The following GCNT1 variants were observed in gnomAD, a reference collection of about 807,000 sequenced individuals.
GCNT1 encodes the protein beta-1,3-galactosyl-O-glycosyl-glycoprotein beta-1,6-N-acetylglucosaminyltransferase.
In GCNT1, 16 loss-of-function variants were observed where a neutral mutation model predicts 26.2. That is an observed-to-expected ratio of 0.61 (90% CI 0.41 to 0.93). The LOEUF (loss-of-function observed/expected upper bound fraction) is 0.93, where lower values mean the gene tolerates loss of function less well. Ranked by LOEUF, GCNT1 falls within the 40% of genes least tolerant of loss-of-function variation. GCNT1 has a pLI of 0.00. For synonymous variants in GCNT1, 183 were observed against 190.8 expected, an observed-to-expected ratio of 0.96 and a Z score of 0.34; for missense variants, 477 against 526.7, an observed-to-expected ratio of 0.91 and a Z score of 0.92.
At chr9:76,399,352 T>G in the GCNT1 span, 18 of 1,486,096 alleles carry the variant, frequency 1.2e-5, no homozygotes, top group Middle Eastern at 2.2e-4. Context: ...AGGCTGCTGC[T>G]GAAAAGGCAG....
chr9:76,398,632 T>C, the GCNT1 span: 2 of 883,322 alleles, frequency 2.3e-6, no homozygotes, highest in Middle Eastern at 3.1e-4. Flanking sequence ...CTTTCCGCGC[T>C]ACCTACAGAG....
At chr9:76,458,222 G>C (rs1029876877), upstream of GCNT1, among the ~76,000 whole-genome samples, 1 of 110,068 alleles carries the variant, frequency 9.1e-6, no homozygotes, top group Non-Finnish European at 1.7e-5. Flanking sequence ...TCGCTCTGTT[G>C]CCCAGGCTGG....
At chr9:76,402,954 A>G in the GCNT1 span, among the ~76,000 whole-genome samples, 1 of 152,196 alleles carries the variant, frequency 6.6e-6, no homozygotes. Flanking sequence ...CTGGGATTAC[A>G]TGCATGAGCC....
chr9:76,458,139 G>A (rs1823789320), upstream of GCNT1, among the ~76,000 whole-genome samples: 1 of 145,242 alleles, frequency 6.9e-6, no homozygotes, highest in South Asian at 2.2e-4. Context: ...TCAGGCAAGT[G>A]TCAAACATAT....
chr9:76,458,562 C>T (rs1464007116), upstream of GCNT1, among the ~76,000 whole-genome samples: 3 of 152,172 alleles, frequency 2.0e-5, no homozygotes, highest in Non-Finnish European at 2.9e-5. Flanking sequence ...AAAGAAGACA[C>T]AGACACAATA....
chr9:76,484,528 T>C (rs1303737484), intron 2 of GCNT1, among the ~76,000 whole-genome samples: 1 of 152,160 alleles, frequency 6.6e-6, no homozygotes, highest in Non-Finnish European at 1.5e-5. Flanking sequence ...CAAATCTCTT[T>C]TACTGTTTGA....
At chr9:76,501,323 T>C (rs1268973319) in intron 3 of GCNT1, among the ~76,000 whole-genome samples, 1 of 152,208 alleles carries the variant, frequency 6.6e-6, no homozygotes, top group Non-Finnish European at 1.5e-5. Context: ...AAATTGATTT[T>C]TGAAAACAAA....
intron 2 of GCNT1, among the ~76,000 whole-genome samples, chr9:76,489,424 G>A (rs1189698401): frequency 7.9e-5 from 12 of 152,170 alleles, no homozygotes; most frequent in African/African-American, 2.2e-4. Flanking sequence ...AAGATTTATT[G>A]TGAAGAGCAA....
Position 76,435,230 on chromosome 9 carries a change from G to A in GCNT1, n.38+15343G>A, listed in dbSNP as rs551724795. On this transcript the variant is annotated intron_variant and non_coding_transcript_variant, in intron 1 of 3. Coordinates refer to the GCNT1 transcript ENST00000488136. Reference sequence around the variant, plus strand: ...CCTAATGAAAATTTGCTGGTTTTGCGGCTCGGGTGGGCATCATGGACCTAC... The same window carrying A: ...CCTAATGAAAATTTGCTGGTTTTGCAGCTCGGGTGGGCATCATGGACCTAC... Among the ~76,000 whole-genome samples the A allele has an allele frequency of 3.2e-4, 49 of 152,162 alleles. 1 individual carries two copies. Among genetic ancestry groups the A allele is most frequent in the African/African-American group, 1.0e-3 (43 of 41,502 alleles).
intron 2 of GCNT1, among the ~76,000 whole-genome samples, chr9:76,481,757 A>G (rs1181046522): frequency 6.6e-6 from 1 of 152,184 alleles, no homozygotes; most frequent in Non-Finnish European, 1.5e-5. Context: ...CCTGTTAACA[A>G]TTTTCATGGA....
upstream of GCNT1, among the ~76,000 whole-genome samples, chr9:76,437,711 T>C (rs1823428573): frequency 6.6e-6 from 1 of 152,080 alleles, no homozygotes; most frequent in Non-Finnish European, 1.5e-5. Context: ...GACCCCTTTC[T>C]GGTAACAAGA....
chr9:76,403,937 G>A, the GCNT1 span, among the ~76,000 whole-genome samples: 51 of 152,244 alleles, frequency 3.3e-4, no homozygotes, highest in African/African-American at 1.1e-3. Context: ...TTTCTGAGAC[G>A]AAGAAGAAGG....
the GCNT1 span, among the ~76,000 whole-genome samples, chr9:76,400,694 C>G: frequency 6.6e-6 from 1 of 152,174 alleles, no homozygotes; most frequent in South Asian, 2.1e-4. Context: ...GACAATGCTA[C>G]CAGTAGGCCA....
the GCNT1 span, chr9:76,394,476 G>A: frequency 1.7e-5 from 5 of 286,228 alleles, no homozygotes; most frequent in South Asian, 1.9e-4. Context: ...GCGCAGAGCC[G>A]GCCTCCGCGC....
the GCNT1 span, among the ~76,000 whole-genome samples, chr9:76,396,296 C>A: frequency 3.9e-5 from 6 of 152,138 alleles, no homozygotes; most frequent in African/African-American, 7.2e-5. Flanking sequence ...TTAACCTAAA[C>A]GTATAAAAAT....
At chr9:76,485,193 G>T (rs1428401342) in intron 2 of GCNT1, among the ~76,000 whole-genome samples, 1 of 151,842 alleles carries the variant, frequency 6.6e-6, no homozygotes, top group Non-Finnish European at 1.5e-5. Flanking sequence ...GTTTTTTGGA[G>T]ATGGAGTCTC....
chr9:76,414,965 T>C (rs1823120230), upstream of GCNT1, among the ~76,000 whole-genome samples: 1 of 152,156 alleles, frequency 6.6e-6, no homozygotes, highest in African/African-American at 2.4e-5. Flanking sequence ...TTTACGTAGC[T>C]CCTATTCAAG....
the GCNT1 span, among the ~76,000 whole-genome samples, chr9:76,404,475 A>G: frequency 2.0e-4 from 31 of 152,276 alleles, no homozygotes; most frequent in African/African-American, 6.7e-4. Context: ...ATGCTCCCAA[A>G]TATTTTTCAC....
At chr9:76,473,733 C>T (rs1400125226) in intron 2 of GCNT1, among the ~76,000 whole-genome samples, 4 of 152,350 alleles carry the variant, frequency 2.6e-5, no homozygotes, top group African/African-American at 9.6e-5. Context: ...AGGTCTCCTG[C>T]TGGGGCAGTC....
Sources: gnomAD v4.1 joint callset for allele counts (sites outside exome capture counted in the v4.1 genomes callset) on GRCh38, gnomAD v4.1.1 for gene constraint, MANE v1.5 for transcripts, NCBI Gene and HGNC (gene_info 2026-07-23, HGNC 2026-07-21) for gene names.